Variants in PSMD11 observed in about 807,000 individuals in gnomAD.
The protein encoded by PSMD11 is 26S proteasome non-ATPase regulatory subunit 11.
A neutral mutation model predicts 62.3 loss-of-function variants in PSMD11; 5 were observed. That is an observed-to-expected ratio of 0.08 (90% CI 0.04 to 0.17). The LOEUF (loss-of-function observed/expected upper bound fraction) is 0.17. Ranked by LOEUF, PSMD11 falls within the 10% of genes least tolerant of loss-of-function variation. The pLI, the probability that PSMD11 is intolerant of heterozygous loss-of-function variation, is 1.00. For synonymous variants in PSMD11, 191 were observed against 191.8 expected (o/e 1.00, Z 0.03); for missense variants, 310 against 512.9 (o/e 0.60, Z 3.82).
At chr17:32,461,298 C>A (rs929757007) in intron 3 of PSMD11, among the ~76,000 whole-genome samples, 1 of 152,118 alleles carries the variant, frequency 6.6e-6, no homozygotes, top group Non-Finnish European at 1.5e-5. Flanking sequence ...AGACTGGTCT[C>A]GAACCCCTGA....
chr17:32,447,275 A>T, intron 2 of PSMD11: 1 of 422,460 alleles, frequency 2.4e-6, no homozygotes, highest in Non-Finnish European at 4.2e-6. Flanking sequence ...GGATATAGTG[A>T]TTTCTGATTT....
At chr17:32,467,953 C>T (rs1908045697) in intron 5 of PSMD11, among the ~76,000 whole-genome samples, 1 of 152,112 alleles carries the variant, frequency 6.6e-6, no homozygotes, top group Non-Finnish European at 1.5e-5. Context: ...GATCCTTTTC[C>T]TCCTCCCACC....
chr17:32,480,252 G>T, intron 12 of PSMD11, 55 bp downstream of exon 12: 1 of 1,575,386 alleles, frequency 6.3e-7, no homozygotes, highest in Non-Finnish European at 8.7e-7. Flanking sequence ...GATGGTTGAA[G>T]AAGTTTATTT....
At chr17:32,474,024 C>T (rs1446318199) in intron 7 of PSMD11, 79 bp downstream of exon 7, 2 of 1,541,134 alleles carry the variant, frequency 1.3e-6, no homozygotes, top group African/African-American at 1.4e-5. Context: ...ATGGCCTGAG[C>T]AGGGAGTTTG....
At chr17:32,470,530 G>A (rs973425507) in intron 6 of PSMD11, among the ~76,000 whole-genome samples, 11 of 151,246 alleles carry the variant, frequency 7.3e-5, no homozygotes, top group African/African-American at 1.9e-4. Context: ...CAGGCTGGCT[G>A]CACGCCTCTG....
intron 8 of PSMD11, among the ~76,000 whole-genome samples, chr17:32,475,895 G>C (rs1321487071): frequency 1.3e-5 from 2 of 151,588 alleles, no homozygotes; most frequent in Non-Finnish European, 2.9e-5. Flanking sequence ...ATCCAGCCAC[G>C]CATCTTCCAG....
At chr17:32,473,345 C>T (rs112632197) in intron 6 of PSMD11, among the ~76,000 whole-genome samples, 4 of 151,148 alleles carry the variant, frequency 2.6e-5, no homozygotes, top group African/African-American at 4.9e-5. Flanking sequence ...GGCGCAATCT[C>T]GGCTCACCGC....
At chr17:32,478,389 TTGTA>T (rs1908392240) in intron 9 of PSMD11, among the ~76,000 whole-genome samples, 1 of 152,214 alleles carries the variant, frequency 6.6e-6, no homozygotes, top group Non-Finnish European at 1.5e-5. Context: ...CCTTAACACC[TTGTA>T]GCACAGCTGA....
chr17:32,480,321 T>C, intron 12 of PSMD11, 124 bp downstream of exon 12: 1 of 1,455,726 alleles, frequency 6.9e-7, no homozygotes. Flanking sequence ...CTGGCCCCTC[T>C]TCCCTGTGAT....
At chr17:32,463,324 C>T (rs1403104355) in intron 3 of PSMD11, 1 of 151,786 alleles carries the variant, frequency 6.6e-6, no homozygotes, top group African/African-American at 2.4e-5. Flanking sequence ...AGCGCTTTTA[C>T]GTGTTAGGCT....
rs535955447 is a variant in PSMD11, at chr17:32,480,293, A to C, written c.1126+96A>C. 6.5e-5 allele frequency: 100 copies of C among 1,530,468 alleles called. 2 individuals carry two copies. In the South Asian group the frequency reaches 9.9e-4, roughly 15 times the overall value. The allele number at this position is 1,530,468 out of a possible 1,614,324, so 94.8% of individuals were successfully genotyped here. On this transcript the variant is annotated intron_variant, in intron 12 of 13. Transcript: ENST00000261712. ...GAAGATGTTCTATTTGTTTCCCCCG[A>C]TGGTTCACCCTGGGGTCCTGGCCCC... is the stretch of plus-strand genomic sequence containing the variant.
intron 10 of PSMD11, 124 bp from the exon 11 acceptor site, chr17:32,479,727 G>T: frequency 8.6e-7 from 1 of 1,161,942 alleles, no homozygotes; most frequent in Non-Finnish European, 1.3e-6. Flanking sequence ...CTTAAGCACG[G>T]CCAAGGAGGG....
intron 3 of PSMD11, among the ~76,000 whole-genome samples, chr17:32,458,576 C>T (rs1230671721): frequency 6.6e-6 from 1 of 152,230 alleles, no homozygotes; most frequent in Non-Finnish European, 1.5e-5. Flanking sequence ...TGGCTTTACA[C>T]TTGCCTTGTC....
rs1435362739 is a variant in PSMD11 at position 32,480,738 on chromosome 17, T to G, written c.*1-15T>G. ...CATGGCTTCCTGATTGACACTGCTC[T>G]GTCTTCTCTTGCAGAGTTGGATCTG... On this transcript the variant is annotated splice_polypyrimidine_tract_variant and intron_variant, in intron 13 of 13. Coordinates refer to ENST00000261712, the MANE Select transcript of PSMD11 (RefSeq NM_002815.4). 1.2e-5 allele frequency: 16 copies of G among 1,306,200 alleles called. No individual in the cohort carries two copies. In the Admixed American group the frequency reaches 3.3e-4, roughly 27 times the overall value. 80.9% of individuals were successfully genotyped at this position (1,306,200 alleles called of 1,614,324 possible). A position where few individuals can be genotyped will look rare whatever the true frequency, so the allele number is the denominator to read the frequency against.
intron 1 of PSMD11, chr17:32,444,937 G>A (rs1477363092): frequency 2.3e-6 from 1 of 433,516 alleles, no homozygotes; most frequent in African/African-American, 2.1e-5. Context: ...GCACGAGCTG[G>A]TCTGGGACCC....
At chr17:32,463,061 T>A (rs1331209858) in intron 3 of PSMD11, among the ~76,000 whole-genome samples, 1 of 152,230 alleles carries the variant, frequency 6.6e-6, no homozygotes, top group Admixed American at 6.5e-5. Context: ...GAGAGCTCAG[T>A]TTCTCATTTC....
intron 4 of PSMD11, 59 bp downstream of exon 4, chr17:32,464,179 A>C: frequency 7.0e-7 from 1 of 1,438,756 alleles, no homozygotes; most frequent in Non-Finnish European, 9.8e-7. Context: ...GGGTGAATGT[A>C]AGCAGTACCA....
intron 6 of PSMD11, among the ~76,000 whole-genome samples, 161 bp downstream of exon 6, chr17:32,469,354 C>T (rs902467456): frequency 6.6e-6 from 1 of 152,306 alleles, no homozygotes; most frequent in South Asian, 2.1e-4. Flanking sequence ...AGCTGCTCCC[C>T]TCCTGTTAAC....
At chr17:32,454,669 T>C in intron 3 of PSMD11, 50 bp downstream of exon 3, 1 of 1,594,236 alleles carries the variant, frequency 6.3e-7, no homozygotes, top group African/African-American at 1.3e-5. Flanking sequence ...AAAGTTTGTT[T>C]CCAAGAAAGA....
Sources: gnomAD v4.1 joint callset for allele counts (sites outside exome capture counted in the v4.1 genomes callset) on GRCh38, gnomAD v4.1.1 for gene constraint, MANE v1.5 for transcripts, NCBI Gene and HGNC (gene_info 2026-07-23, HGNC 2026-07-21) for gene names.